The following GDPD1 variants were observed in gnomAD, a reference collection of about 807,000 sequenced individuals.
The protein encoded by GDPD1 is lysophospholipase D GDPD1.
Under a neutral mutation model 45.1 loss-of-function variants are expected in GDPD1, and 28 were observed. That is an observed-to-expected ratio of 0.62 (90% CI 0.46 to 0.85). The LOEUF is 0.85. Among genes scored for constraint, GDPD1 ranks in the 40% least tolerant of loss-of-function variants. The probability of loss-of-function intolerance (pLI) is 0.00; values close to 1 mark genes in which losing one functional copy is unlikely to be tolerated. For missense variants in GDPD1, 256 were observed against 364.8 expected (o/e 0.70, Z 2.43); for synonymous variants, 139 against 131.4 (o/e 1.06, Z -0.40).
rs999020114 is a variant in GDPD1 at position 59,220,746 on chromosome 17, G to A, written c.137G>A (p.Arg46His). The A allele has an allele frequency of 5.6e-6, 9 of 1,612,690 alleles. No homozygotes were observed. Among genetic ancestry groups the A allele is most frequent in the Non-Finnish European group, 7.6e-6 (9 of 1,179,818 alleles). The change falls in exon 1 of 10, where the codon CGC becomes CAC. Residue 46 changes from arginine (R) to histidine (H), a missense_variant. By Grantham distance (29) the Arg-to-His change is conservative. Coordinates refer to ENST00000284116, the MANE Select transcript of GDPD1 (RefSeq NM_182569.4). ...TTCCTCAGTAAACACATCTCTCACC[G>A]CGGAGGTGAGAGGGGTCCCCAGAAC... ...QRFLSKHISHRGGAGENLENT... is the reference protein window; with the variant it reads ...QRFLSKHISHHGGAGENLENT...
At chr17:59,238,406 ATTATTTT>A (rs2047150770) in intron 2 of GDPD1, among the ~76,000 whole-genome samples, 1 of 141,394 alleles carries the variant, frequency 7.1e-6, no homozygotes, top group Non-Finnish European at 1.5e-5. Flanking sequence ...TGGCTCTTCT[ATTATTTT>A]TTATTTTTTT....
intron 4 of GDPD1, among the ~76,000 whole-genome samples, chr17:59,250,391 CG>C (rs2147890080): frequency 6.6e-6 from 1 of 151,942 alleles, no homozygotes; most frequent in South Asian, 2.1e-4. Context: ...GAGGCCAAGG[CG>C]GGAGGGTTGC....
intron 9 of GDPD1, 121 bp downstream of exon 9, chr17:59,272,957 T>C: frequency 6.3e-7 from 1 of 1,586,728 alleles, no homozygotes; most frequent in Non-Finnish European, 8.6e-7. Context: ...GCTGCTTTAC[T>C]GATCCACAAA....
intron 1 of GDPD1, among the ~76,000 whole-genome samples, chr17:59,225,605 G>A (rs1265142502): frequency 2.0e-5 from 3 of 152,118 alleles, no homozygotes; most frequent in Non-Finnish European, 4.4e-5. Context: ...TGGGATTACA[G>A]GCATGAGCCA....
chr17:59,254,083 C>T (rs1015646098), intron 4 of GDPD1, among the ~76,000 whole-genome samples: 8 of 148,644 alleles, frequency 5.4e-5, no homozygotes, highest in African/African-American at 2.0e-4. Flanking sequence ...AAAAAAGGGC[C>T]GGGTGCGGTG....
chr17:59,221,140 C>T (rs893320896), intron 1 of GDPD1, among the ~76,000 whole-genome samples: 2 of 151,834 alleles, frequency 1.3e-5, no homozygotes, highest in African/African-American at 4.8e-5. Flanking sequence ...CGGGGGGCAC[C>T]GGGAGCACAC....
chr17:59,236,571 C>T (rs1215885482), intron 2 of GDPD1, among the ~76,000 whole-genome samples: 13 of 152,232 alleles, frequency 8.5e-5, no homozygotes, highest in East Asian at 1.9e-4. Flanking sequence ...TCTCAGCTCA[C>T]GGCAATCTCC....
In GDPD1 at chr17:59,224,722, T is replaced by C. The variant is rs143657736; in HGVS notation, c.142+3971T>C. ...CTGTAGTCTCGGCTATTTGAGAGGC[T>C]GAGGCAGGAGGATCACTTGAGCCCA... On this transcript the variant is annotated intron_variant, in intron 1 of 9. Coordinates refer to ENST00000284116, the MANE Select transcript of GDPD1 (RefSeq NM_182569.4). Among the ~76,000 whole-genome samples the C allele has an allele frequency of 3.1e-3, 472 of 152,174 alleles. 2 individuals carry two copies. Among genetic ancestry groups the C allele is most frequent in the African/African-American group, 0.011 (460 of 41,536 alleles).
intron 2 of GDPD1, among the ~76,000 whole-genome samples, chr17:59,236,620 C>T (rs1020415942): frequency 1.3e-5 from 2 of 151,978 alleles, no homozygotes; most frequent in Middle Eastern, 3.2e-3. Flanking sequence ...CTCAGCTTCC[C>T]GAATACCTGG....
chr17:59,274,934 C>T lies in GDPD1; in HGVS notation c.*1161C>T, dbSNP rs1415667352. Among the ~76,000 whole-genome samples, 2 of 151,392 alleles carry T rather than the reference C, an allele frequency of 1.3e-5. No individual in the cohort carries two copies. The highest frequency in any genetic ancestry group is 4.9e-5 in the African/African-American group (2 of 41,200). Reference sequence around the variant, plus strand: ...TTGGCTCACTGCAACCTCTGCCTCCCAGGTTCCAGCAATTCTCCTGCCTCT... The same window carrying T: ...TTGGCTCACTGCAACCTCTGCCTCCTAGGTTCCAGCAATTCTCCTGCCTCT... On this transcript the variant is annotated 3_prime_UTR_variant, in exon 10 of 10. Coordinates refer to ENST00000284116, the MANE Select transcript of GDPD1 (RefSeq NM_182569.4).
rs1312845926 is a variant in GDPD1, at chr17:59,274,872, T to G, written c.*1099T>G. Reference sequence around the variant, plus strand: ...TTTTTTTTTTTTTGACATGTAGTCTTGCTCTGTCGCCGAGGCCGGAGTGCA... The same window carrying G: ...TTTTTTTTTTTTTGACATGTAGTCTGGCTCTGTCGCCGAGGCCGGAGTGCA... On this transcript the variant is annotated 3_prime_UTR_variant, in exon 10 of 10. Coordinates refer to ENST00000284116, the MANE Select transcript of GDPD1 (RefSeq NM_182569.4). Among the ~76,000 whole-genome samples the G allele has an allele frequency of 1.3e-5, 2 of 151,238 alleles. No individual in the cohort carries two copies. Among genetic ancestry groups the G allele is most frequent in the African/African-American group, 4.9e-5 (2 of 41,208 alleles).
At chr17:59,247,576 G>A (rs1383178480) in intron 3 of GDPD1, among the ~76,000 whole-genome samples, 1 of 151,844 alleles carries the variant, frequency 6.6e-6, no homozygotes, top group East Asian at 1.9e-4. Context: ...ACCATTCTTC[G>A]ATTGATGGAC....
intron 4 of GDPD1, among the ~76,000 whole-genome samples, chr17:59,255,371 CAGG>C (rs2047288094): frequency 6.6e-6 from 1 of 151,772 alleles, no homozygotes; most frequent in African/African-American, 2.4e-5. Flanking sequence ...GAGGCTGAGG[CAGG>C]AGGTTTGCTT....
intron 7 of GDPD1, 36 bp from the exon 8 acceptor site, chr17:59,270,900 T>C (rs757853586): frequency 1.5e-6 from 2 of 1,357,670 alleles, no homozygotes; most frequent in East Asian, 4.6e-5. Flanking sequence ...TATTTCTGTG[T>C]TTCTAATTTG....
At chr17:59,224,908 A>T (rs1217418949) in intron 1 of GDPD1, among the ~76,000 whole-genome samples, 5 of 152,114 alleles carry the variant, frequency 3.3e-5, no homozygotes, top group African/African-American at 1.2e-4. Context: ...TCTGTGTGAC[A>T]ATGGGTATAT....
intron 8 of GDPD1, among the ~76,000 whole-genome samples, chr17:59,271,579 C>CT (rs1400722090): frequency 2.0e-5 from 3 of 151,750 alleles, no homozygotes; most frequent in Non-Finnish European, 4.4e-5. Context: ...CAAATCACAA[C>CT]TTTTTATTAT....
intron 6 of GDPD1, among the ~76,000 whole-genome samples, chr17:59,264,353 G>T (rs1390506670): frequency 1.3e-5 from 2 of 151,736 alleles, no homozygotes; most frequent in Non-Finnish European, 2.9e-5. Flanking sequence ...GGGTGCAGTG[G>T]CACGATCTCA....
chr17:59,254,684 G>C (rs372058926), intron 4 of GDPD1, among the ~76,000 whole-genome samples: 5 of 152,214 alleles, frequency 3.3e-5, no homozygotes, highest in African/African-American at 1.2e-4. Flanking sequence ...TGAATATATT[G>C]GTTTTCATAA....
At position 59,266,529 on chromosome 17, in the gene GDPD1, G is replaced by T. The variant is rs16943409; in HGVS notation, c.577-512G>T. On this transcript the variant is annotated intron_variant, in intron 6 of 9. Transcript: ENST00000284116. ...TTTCCAATAGAAACTTAAAATGGTG[G>T]TTAGATTCTTGGATTAGTTTACAAA... Among the ~76,000 whole-genome samples the T allele has an allele frequency of 3.1e-3, 466 of 151,920 alleles. 2 individuals are homozygous for T. The highest frequency in any genetic ancestry group is 0.011 in the African/African-American group (454 of 41,470).
Sources: allele counts gnomAD v4.1 joint callset (sites outside exome capture counted in the v4.1 genomes callset), GRCh38; gene constraint gnomAD v4.1.1; transcripts MANE v1.5; gene names NCBI Gene and HGNC (gene_info 2026-07-23, HGNC 2026-07-21).